Variants in MMP2 observed in about 807,000 individuals in gnomAD.
MMP2 encodes the protein 72 kDa type IV collagenase.
In MMP2, 39 loss-of-function variants were observed where a neutral mutation model predicts 74.8. That is an observed-to-expected ratio of 0.52 (90% confidence interval 0.40 to 0.68). The LOEUF is 0.68. Among genes scored for constraint, MMP2 ranks in the 30% least tolerant of loss-of-function variants. MMP2 has a pLI of 0.00. For synonymous variants in MMP2, 367 were observed against 339.8 expected, an observed-to-expected ratio of 1.08 and a Z score of -0.88; for missense variants, 803 against 878.3, an observed-to-expected ratio of 0.91 and a Z score of 1.08.
intron 10 of MMP2, among the ~76,000 whole-genome samples, chr16:55,497,590 A>T (rs1450386380): frequency 2.0e-5 from 3 of 152,238 alleles, no homozygotes; most frequent in Non-Finnish European, 4.4e-5. Context: ...TTATTTTTAA[A>T]GATTTCAAAA....
At chr16:55,499,492 G>C (rs1226856293) in intron 11 of MMP2, among the ~76,000 whole-genome samples, 2 of 152,154 alleles carry the variant, frequency 1.3e-5, no homozygotes, top group African/African-American at 4.8e-5. Context: ...GTGGGTGCAG[G>C]TTGGCAGGGG....
At chr16:55,500,376 AAATTATGGTGTTGGAAG>A (rs1177982757) in intron 11 of MMP2, among the ~76,000 whole-genome samples, 5 of 152,204 alleles carry the variant, frequency 3.3e-5, no homozygotes, top group African/African-American at 1.2e-4. Flanking sequence ...TGAAGTTTTC[AAATTATGGTGTTGGAAG>A]AACTTTTTAA....
In MMP2 at chr16:55,483,105, C is replaced by A. The variant is rs896519239; in HGVS notation, c.350C>A (p.Pro117His). Residue 117 changes from proline (P) to histidine (H), a missense_variant, in exon 2 of 13, where the codon CCC (proline) becomes CAC (histidine). Transcript: ENST00000219070. ...AACTACAACTTCTTCCCTCGCAAGC[C>A]CAAGTGGGACAAGAACCAGATCACA... ...VANYNFFPRK[P>H]KWDKNQITYR... 1 of 1,614,052 alleles carries A rather than the reference C, an allele frequency of 6.2e-7. No individual in the cohort carries two copies. Among genetic ancestry groups the A allele is most frequent in the Non-Finnish European group, 8.5e-7 (1 of 1,179,984 alleles).
At chr16:55,493,904 A>T (rs1162563419) in intron 9 of MMP2, among the ~76,000 whole-genome samples, 1 of 152,194 alleles carries the variant, frequency 6.6e-6, no homozygotes, top group Non-Finnish European at 1.5e-5. Flanking sequence ...GGTATTCTTC[A>T]TGCTATAGAT....
chr16:55,485,561 G>A (rs1210155746), intron 4 of MMP2, 43 bp from the exon 5 acceptor site: 2 of 1,612,314 alleles, frequency 1.2e-6, no homozygotes, highest in East Asian at 2.2e-5. Context: ...CTCCAAAGAA[G>A]GCCTGGAGAA....
At chr16:55,503,775 T>A (rs1962727634) in intron 12 of MMP2, among the ~76,000 whole-genome samples, 1 of 152,160 alleles carries the variant, frequency 6.6e-6, no homozygotes, top group Non-Finnish European at 1.5e-5. Context: ...AGTGGGGAAC[T>A]GTGGAGTCTG....
chr16:55,495,953 C>T (rs531395715), intron 9 of MMP2, among the ~76,000 whole-genome samples: 9 of 152,306 alleles, frequency 5.9e-5, no homozygotes, highest in African/African-American at 1.7e-4. Flanking sequence ...ACACAGACCC[C>T]CAGATGTGAA....
Position 55,484,016 on chromosome 16 carries a change from G to A in MMP2, c.381G>A (p.Arg127=). 6.2e-7 allele frequency: 1 copy of A among 1,614,142 alleles called. No individual in the cohort carries two copies. Among genetic ancestry groups the A allele is most frequent in the Non-Finnish European group, 8.5e-7 (1 of 1,180,006 alleles). The change falls in exon 3 of 13, where the codon AGG becomes AGA. Residue 127 remains arginine (R), a splice_region_variant and synonymous_variant. Transcript: ENST00000219070. ...PKWDKNQITY[R]IIGYTPDLDP... ...TCACATGCAGTTCTACCACCTCCAGGATCATTGGCTACACACCTGATCTGG... is the reference window on the plus strand; with the variant it reads ...TCACATGCAGTTCTACCACCTCCAGAATCATTGGCTACACACCTGATCTGG...
At chr16:55,491,685 G>A in intron 7 of MMP2, 116 bp from the exon 8 acceptor site, 1 of 1,190,776 alleles carries the variant, frequency 8.4e-7, no homozygotes, top group African/African-American at 1.5e-5. Context: ...CGCTTCCAGG[G>A]TTCTCAGCCT....
chr16:55,488,368 G>A, intron 5 of MMP2, 175 bp from the exon 6 acceptor site: 3 of 663,964 alleles, frequency 4.5e-6, no homozygotes, highest in South Asian at 1.8e-5. Context: ...GGGAAGCAGG[G>A]GTTCTCTCTG....
chr16:55,502,721 A>G, intron 11 of MMP2, 58 bp from the exon 12 acceptor site: 1 of 1,489,514 alleles, frequency 6.7e-7, no homozygotes, highest in Non-Finnish European at 9.4e-7. Context: ...CATCCAGGCC[A>G]GGGGGGAAGT....
intron 1 of MMP2, among the ~76,000 whole-genome samples, chr16:55,480,375 C>T (rs1343416199): frequency 6.6e-6 from 1 of 152,022 alleles, no homozygotes. Context: ...TCCAAAGGGT[C>T]GGAGAAAAGA....
intron 1 of MMP2, chr16:55,481,719 C>T: frequency 1.6e-6 from 1 of 637,414 alleles, no homozygotes; most frequent in South Asian, 1.9e-5. Context: ...TAACTCTGGA[C>T]TTAGACCGCT....
rs755418299 is a variant in MMP2, at chr16:55,483,089, T to C, written c.334T>C (p.Phe112Leu). The C allele has an allele frequency of 3.7e-6, 6 of 1,613,944 alleles. No homozygotes were observed. The highest frequency in any genetic ancestry group is 4.2e-6 in the Non-Finnish European group (5 of 1,179,976). ...CGNPDVANYN[F>L]FPRKPKWDKN... ...CAACCCAGATGTGGCCAACTACAAC[T>C]TCTTCCCTCGCAAGCCCAAGTGGGA... The change falls in exon 2 of 13, where the codon TTC becomes CTC. Residue 112 changes from phenylalanine to leucine, a missense_variant. This residue lies in a region of MMP2 where 223 missense variants were observed against 232.8 expected (regional missense o/e 0.96). Transcript: ENST00000219070.
intron 9 of MMP2, among the ~76,000 whole-genome samples, chr16:55,494,003 T>A (rs1962477423): frequency 1.3e-5 from 2 of 152,196 alleles, no homozygotes; most frequent in South Asian, 4.1e-4. Flanking sequence ...AGGACCTCAT[T>A]AAAGGGTCTG....
rs1183157128 is a variant in MMP2 at position 55,479,517 on chromosome 16, C to G, written c.38C>G (p.Pro13Arg). Residue 13 changes from proline (P) to arginine (R), a missense_variant, in exon 1 of 13, where the codon CCC becomes CGC. Around this residue, in one of 3 missense-constraint regions of MMP2, gnomAD observed 223 missense variants for 232.8 expected, o/e 0.96. Transcript: ENST00000219070. ...ALMARGALTG[P>R]LRALCLLGCL... ...ATGGCCCGGGGCGCGCTCACGGGTC[C>G]CCTGAGGGCGCTCTGTCTCCTGGGC... 1.4e-5 allele frequency: 22 copies of G among 1,603,656 alleles called. No individual in the cohort carries two copies. Among genetic ancestry groups the G allele is most frequent in the Non-Finnish European group, 1.9e-5 (22 of 1,175,710 alleles).
At position 55,483,191 on chromosome 16, in the gene MMP2, C is replaced by T. The variant is rs1213605371; in HGVS notation, c.380+56C>T. On this transcript the variant is annotated intron_variant, in intron 2 of 12. Transcript: ENST00000219070. ...CATGGGGCTGAGGGACACGAGTCTC[C>T]TTGACCCATGCATTCTCTCCACTCA... 7.1e-6 allele frequency: 10 copies of T among 1,408,242 alleles called. No homozygotes were observed. The East Asian group carries it at 1.4e-4, about 19-fold the overall frequency. The allele number at this position is 1,408,242 out of a possible 1,614,324, so 87.2% of individuals were successfully genotyped here.
At chr16:55,489,318 C>G (rs1486558266) in intron 6 of MMP2, among the ~76,000 whole-genome samples, 1 of 152,232 alleles carries the variant, frequency 6.6e-6, no homozygotes, top group East Asian at 1.9e-4. Context: ...TCCCTTTGCC[C>G]CTAGCCCATC....
At chr16:55,501,924 A>G (rs1288735857) in intron 11 of MMP2, among the ~76,000 whole-genome samples, 1 of 152,220 alleles carries the variant, frequency 6.6e-6, no homozygotes, top group Non-Finnish European at 1.5e-5. Flanking sequence ...GGAATAATGA[A>G]GTGGAGAGGC....
Sources: gnomAD v4.1 joint callset for allele counts (sites outside exome capture counted in the v4.1 genomes callset) on GRCh38, gnomAD v4.1.1 for gene constraint, gnomAD v4.1.1 regional missense constraint, MANE v1.5 for transcripts, NCBI Gene and HGNC (gene_info 2026-07-23, HGNC 2026-07-21) for gene names.